The following LINGO2 variants were observed in gnomAD, a reference collection of about 807,000 sequenced individuals.
LINGO2 encodes the protein leucine rich repeat and Ig domain containing 2.
A neutral mutation model predicts 30.6 loss-of-function variants in LINGO2; 14 were observed. The observed-to-expected ratio is 0.46, with a 90% CI of 0.30 to 0.72. The LOEUF (loss-of-function observed/expected upper bound fraction) is 0.72. Ranked by LOEUF, LINGO2 falls within the 30% of genes least tolerant of loss-of-function variation. The pLI, the probability that LINGO2 is intolerant of heterozygous loss-of-function variation, is 0.07. For synonymous variants in LINGO2, 317 were observed against 288.5 expected (o/e 1.10, Z -1.00); for missense variants, 729 against 751.7 (o/e 0.97, Z 0.35).
At chr9:28,425,714 G>A (rs10125451) in intron 2 of LINGO2, among the ~76,000 whole-genome samples, 24,794 of 151,800 alleles carry the variant, frequency 0.16, 2,700 homozygotes, top group African/African-American at 0.3. Flanking sequence ...CAAAGATCTT[G>A]TCTACTAAAG....
intron 1 of LINGO2, among the ~76,000 whole-genome samples, chr9:28,632,413 C>T (rs1826988762): frequency 6.6e-6 from 1 of 151,514 alleles, no homozygotes; most frequent in African/African-American, 2.4e-5. Flanking sequence ...TCACACTATC[C>T]AGATGAGAGA....
chr9:28,363,296 T>C (rs879435270), intron 3 of LINGO2, among the ~76,000 whole-genome samples: 3 of 152,086 alleles, frequency 2.0e-5, no homozygotes, highest in African/African-American at 4.8e-5. Context: ...ATTAGTCCTA[T>C]TGAGAAGGAA....
chr9:28,036,353 G>C (rs762177646), intron 4 of LINGO2, among the ~76,000 whole-genome samples: 6 of 152,180 alleles, frequency 3.9e-5, no homozygotes, highest in Non-Finnish European at 7.3e-5. Context: ...TGGGAAAGGA[G>C]AGGTGTCATC....
intron 4 of LINGO2, among the ~76,000 whole-genome samples, chr9:28,241,267 C>CAAAAAAAAAA (rs1164724626): frequency 2.4e-5 from 2 of 83,602 alleles, no homozygotes; most frequent in Admixed American, 1.4e-4. Flanking sequence ...GACCCTGTCT[C>CAAAAAAAAAA]AAAAAAAAAA....
At chr9:28,653,212 C>T (rs920978778) in intron 1 of LINGO2, among the ~76,000 whole-genome samples, 2 of 152,130 alleles carry the variant, frequency 1.3e-5, no homozygotes, top group South Asian at 4.1e-4. Flanking sequence ...CATGTGGACA[C>T]CTCAAGTGAG....
chr9:28,805,600 C>A, the LINGO2 span, among the ~76,000 whole-genome samples: 1 of 152,114 alleles, frequency 6.6e-6, no homozygotes, highest in African/African-American at 2.4e-5. Flanking sequence ...GCTTTAAGGG[C>A]ATCATGGTAA....
In LINGO2 at chr9:28,148,330, T is replaced by TG. The variant is rs1827877454; in HGVS notation, c.-86-135926dup. The TG allele has an allele frequency of 3.2e-5, 29 of 900,240 alleles. No homozygotes were observed. In the South Asian group the frequency reaches 4.1e-4, roughly 13 times the overall value. 55.8% of individuals were successfully genotyped at this position (900,240 alleles called of 1,614,324 possible). On this transcript the variant is annotated intron_variant, in intron 4 of 5. Transcript: ENST00000379992. This position sits in a 1 kb window ranked among gnomAD's most constrained non-coding sequence, Gnocchi z 5.1. The stretch of plus-strand genomic sequence containing the variant: ...TGTCTGCTCACAACTCCAGGATGTT[T>TG]GGACACCTCAGCCCCGTGAGGATTC...
chr9:28,800,633 G>A, the LINGO2 span, among the ~76,000 whole-genome samples: 9 of 152,052 alleles, frequency 5.9e-5, no homozygotes, highest in Non-Finnish European at 1.3e-4. Flanking sequence ...AAATGGAGCT[G>A]TAATTTGGGA....
chr9:29,026,678 T>C, the LINGO2 span, among the ~76,000 whole-genome samples: 1 of 152,166 alleles, frequency 6.6e-6, no homozygotes, highest in Non-Finnish European at 1.5e-5. Context: ...GGAATTTATT[T>C]GTATTCTTCC....
At chr9:28,824,189 A>T in the LINGO2 span, among the ~76,000 whole-genome samples, 4 of 152,214 alleles carry the variant, frequency 2.6e-5, no homozygotes, top group Admixed American at 2.6e-4. Context: ...ACTGGACTCT[A>T]GTCTCTGGGA....
intron 2 of LINGO2, among the ~76,000 whole-genome samples, chr9:28,401,715 T>A (rs1419780316): frequency 6.6e-6 from 1 of 152,186 alleles, no homozygotes; most frequent in African/African-American, 2.4e-5. Context: ...TGCCATACTG[T>A]CTTCCACAAT....
At chr9:28,796,195 A>G in the LINGO2 span, among the ~76,000 whole-genome samples, 2 of 152,180 alleles carry the variant, frequency 1.3e-5, no homozygotes, top group Non-Finnish European at 2.9e-5. Context: ...TAGACATCAA[A>G]GAGGCAGAGG....
chr9:28,904,957 C>T, the LINGO2 span, among the ~76,000 whole-genome samples: 1 of 151,814 alleles, frequency 6.6e-6, no homozygotes, highest in Non-Finnish European at 1.5e-5. Context: ...AACAGAGAGC[C>T]CAAAAATAAA....
chr9:28,110,388 A>G (rs1270814635), intron 4 of LINGO2, among the ~76,000 whole-genome samples: 1 of 152,248 alleles, frequency 6.6e-6, no homozygotes, highest in Non-Finnish European at 1.5e-5. Context: ...GCCAAAATTG[A>G]CAAATGGGAT....
At chr9:29,108,427 C>A in the LINGO2 span, among the ~76,000 whole-genome samples, 5 of 152,056 alleles carry the variant, frequency 3.3e-5, no homozygotes, top group Non-Finnish European at 5.9e-5. Context: ...GTCACTGAGC[C>A]TAAAGGAAAT....
intron 1 of LINGO2, among the ~76,000 whole-genome samples, chr9:28,544,541 G>A (rs981460151): frequency 7.2e-5 from 11 of 151,976 alleles, no homozygotes; most frequent in African/African-American, 2.7e-4. Flanking sequence ...AAAAACAATT[G>A]CATTTGCAAA....
At chr9:28,179,914 CAAAT>C (rs780763730) in intron 4 of LINGO2, among the ~76,000 whole-genome samples, 44 of 152,000 alleles carry the variant, frequency 2.9e-4, no homozygotes, top group Non-Finnish European at 5.0e-4. Context: ...ACAAAATAGT[CAAAT>C]AATTCTTCAG....
the LINGO2 span, among the ~76,000 whole-genome samples, chr9:28,992,602 G>A: frequency 9.9e-5 from 15 of 152,000 alleles, no homozygotes; most frequent in Non-Finnish European, 1.5e-4. Context: ...AAAACTGACC[G>A]CATAGTTGGA....
intron 2 of LINGO2, among the ~76,000 whole-genome samples, chr9:28,457,200 C>T (rs1331033776): frequency 6.6e-6 from 1 of 152,180 alleles, no homozygotes; most frequent in Non-Finnish European, 1.5e-5. Context: ...TGTTCATGAG[C>T]TCTGTGTATG....
Sources: gnomAD v4.1 joint callset for allele counts (sites outside exome capture counted in the v4.1 genomes callset) on GRCh38, gnomAD v4.1.1 for gene constraint, Gnocchi (gnomAD v3.1) non-coding constraint, MANE v1.5 for transcripts, NCBI Gene and HGNC (gene_info 2026-07-23, HGNC 2026-07-21) for gene names.